The following MMEL1 variants were observed in gnomAD, a reference collection of about 807,000 sequenced individuals.
MMEL1 encodes membrane metalloendopeptidase like 1.
In MMEL1, 98 loss-of-function variants were observed where a neutral mutation model predicts 117.1. The ratio of observed to expected loss-of-function variants is 0.84; its 90% CI spans 0.71 to 0.99. The LOEUF (loss-of-function observed/expected upper bound fraction) is 0.99. Ranked by LOEUF, MMEL1 falls within the 50% of genes least tolerant of loss-of-function variation. The pLI, the probability that MMEL1 is intolerant of heterozygous loss-of-function variation, is 0.00. For missense variants in MMEL1, 1,014 were observed against 1,049.1 expected (o/e 0.97, Z 0.46); for synonymous variants, 390 against 415.1 (o/e 0.94, Z 0.74).
At chr1:2,599,010 G>A (rs1348306780) in intron 11 of MMEL1, among the ~76,000 whole-genome samples, 3 of 152,112 alleles carry the variant, frequency 2.0e-5, no homozygotes, top group Non-Finnish European at 4.4e-5. Flanking sequence ...AGTATAACAG[G>A]CAAGTTCCTA....
chr1:2,632,257 A>G (rs1169561415), intron 1 of MMEL1, among the ~76,000 whole-genome samples: 1 of 152,082 alleles, frequency 6.6e-6, no homozygotes, highest in Non-Finnish European at 1.5e-5. Flanking sequence ...TCTCCTCGAT[A>G]CTTCTGCAGC....
Position 2,612,025 on chromosome 1 carries a change from G to T in MMEL1, c.232+102C>A. 1 of 1,026,008 alleles carries T rather than the reference G, an allele frequency of 9.7e-7. No homozygotes were observed. Among genetic ancestry groups the T allele is most frequent in the South Asian group, 1.4e-5 (1 of 69,908 alleles). The allele number at this position is 1,026,008 out of a possible 1,614,324, so 63.6% of individuals were successfully genotyped here. A position where few individuals can be genotyped will look rare whatever the true frequency, so the allele number is the denominator to read the frequency against. ...CATGGCCCTCCTCCGGCACATGAGG[G>T]TTGGGCAGAACCCAGCCCCTGCCCC... On this transcript the variant is annotated intron_variant, in intron 3 of 23. Coordinates refer to ENST00000378412, the MANE Select transcript of MMEL1 (RefSeq NM_033467.4). The surrounding 1 kb of genome is among the most constrained non-coding windows in gnomAD (Gnocchi z 5.4).
At chr1:2,591,742 G>T in intron 22 of MMEL1, 109 bp from the exon 23 acceptor site, 3 of 1,076,750 alleles carry the variant, frequency 2.8e-6, no homozygotes, top group Non-Finnish European at 4.3e-6. Flanking sequence ...TGGGGTGAGG[G>T]GAGTCAGCAG....
At chr1:2,599,772 G>C (rs143075089) in intron 11 of MMEL1, among the ~76,000 whole-genome samples, 3 of 150,914 alleles carry the variant, frequency 2.0e-5, no homozygotes, top group African/African-American at 7.3e-5. Context: ...CATGAGAATC[G>C]CTTGAACCTG....
chr1:2,596,781 C>T, intron 13 of MMEL1, 92 bp from the exon 14 acceptor site: 1 of 1,499,972 alleles, frequency 6.7e-7, no homozygotes. Flanking sequence ...AGCAGACCCA[C>T]CTATCCTCAG....
chr1:2,627,482 G>C (rs945138846), intron 2 of MMEL1, among the ~76,000 whole-genome samples: 6 of 152,304 alleles, frequency 3.9e-5, no homozygotes, highest in African/African-American at 1.2e-4. Context: ...TCAGCATTTG[G>C]TGATTGAGCC....
At chr1:2,630,449 TGTGTGTGCGCTCTG>T (rs530579724) in intron 1 of MMEL1, among the ~76,000 whole-genome samples, 63 of 152,202 alleles carry the variant, frequency 4.1e-4, no homozygotes, top group African/African-American at 1.5e-3. Flanking sequence ...AGCGTGAACG[TGTGTGTGCGCTCTG>T]GTGTGTGCAT....
At chr1:2,632,595 T>C (rs1197764335) in intron 1 of MMEL1, 1 of 184,376 alleles carries the variant, frequency 5.4e-6, no homozygotes, top group Non-Finnish European at 1.2e-5. Flanking sequence ...GAGTGTCTGC[T>C]GAGGCGAAGG....
intron 1 of MMEL1, 126 bp downstream of exon 1, chr1:2,632,740 G>T: frequency 2.1e-6 from 1 of 479,842 alleles, no homozygotes; most frequent in Non-Finnish European, 2.7e-6. Context: ...CACACAGGAC[G>T]CCCTGCCCAG....
chr1:2,632,459 T>C (rs1260663884), intron 1 of MMEL1: 1 of 152,412 alleles, frequency 6.6e-6, no homozygotes, highest in Non-Finnish European at 1.5e-5. Flanking sequence ...TGGTCAGAAT[T>C]AATGAATCTG....
chr1:2,625,391 A>G (rs922604962), intron 2 of MMEL1, among the ~76,000 whole-genome samples: 8 of 152,212 alleles, frequency 5.3e-5, no homozygotes, highest in Non-Finnish European at 1.2e-4. Flanking sequence ...GGTCCAGAAC[A>G]GGAGCAGGCT....
At chr1:2,609,479 G>T in intron 5 of MMEL1, 60 bp from the exon 6 acceptor site, 2 of 1,564,798 alleles carry the variant, frequency 1.3e-6, no homozygotes, top group South Asian at 2.3e-5. Context: ...CCAGGTCACA[G>T]GTCCCTACAC....
chr1:2,625,720 A>C (rs1473258639), intron 2 of MMEL1, among the ~76,000 whole-genome samples: 1 of 152,154 alleles, frequency 6.6e-6, no homozygotes, highest in Non-Finnish European at 1.5e-5. Flanking sequence ...GTGCTTTCTG[A>C]CCCATCTAGC....
chr1:2,595,864 C>A lies in MMEL1; in HGVS notation c.1500+145G>T, dbSNP rs558190817. ...CCCGTGGGGTCCTGTCTGCGCCTCC[C>A]GGGGCTGCCTTCTCCCCGTGGGGTC... is the stretch of plus-strand genomic sequence containing the variant. On this transcript the variant is annotated intron_variant, in intron 15 of 23. Transcript: ENST00000378412. The surrounding 1 kb of genome is among the most constrained non-coding windows in gnomAD (Gnocchi z 4.8). 264 of 645,606 alleles carry A rather than the reference C, an allele frequency of 4.1e-4. No homozygotes were observed. In the African/African-American group the frequency reaches 4.6e-3, roughly 11 times the overall value. 40.0% of individuals were successfully genotyped at this position (645,606 alleles called of 1,614,324 possible).
At chr1:2,606,117 G>A in intron 8 of MMEL1, 131 bp downstream of exon 8, 1 of 714,576 alleles carries the variant, frequency 1.4e-6, no homozygotes, top group Non-Finnish European at 2.4e-6. Context: ...ACGTGGACAG[G>A]AGCCAGGAGC....
chr1:2,619,391 C>T (rs1368413701), intron 2 of MMEL1, among the ~76,000 whole-genome samples: 1 of 152,196 alleles, frequency 6.6e-6, no homozygotes, highest in East Asian at 1.9e-4. Context: ...GGTGTGGTGG[C>T]TCATGCCTGT....
chr1:2,603,566 T>C (rs571217455), intron 11 of MMEL1, among the ~76,000 whole-genome samples: 28 of 152,258 alleles, frequency 1.8e-4, no homozygotes, highest in African/African-American at 6.3e-4. Flanking sequence ...GGTGGGACCC[T>C]GTACACCCCC....
At position 2,593,908 on chromosome 1, in the gene MMEL1, G is replaced by C. The variant is rs980990932; in HGVS notation, c.1773C>G (p.Pro591=). The C allele has an allele frequency of 3.1e-6, 5 of 1,610,652 alleles. No homozygotes were observed. The highest frequency in any genetic ancestry group is 3.4e-5 in the Admixed American group (2 of 59,488). ...GTGGCTGCTCCTTGCTGAAGAAGGG[G>C]GGCTGGAGGATCCCGGCAGGGAATA... ...QIVFPAGILQ[P]PFFSKEQPQA... is the part of the protein sequence containing the mutation. Residue 591 remains proline (P), a synonymous_variant, in exon 19 of 24, where the codon CCC becomes CCG. Coordinates refer to ENST00000378412, the MANE Select transcript of MMEL1 (RefSeq NM_033467.4).
chr1:2,629,539 G>C lies in MMEL1; in HGVS notation c.-37-18C>G. 7.2e-7 allele frequency: 1 copy of C among 1,395,836 alleles called. No individual in the cohort carries two copies. Among genetic ancestry groups the C allele is most frequent in the South Asian group, 1.5e-5 (1 of 64,722 alleles). 86.5% of individuals were successfully genotyped at this position (1,395,836 alleles called of 1,614,324 possible). On this transcript the variant is annotated intron_variant, in intron 1 of 23. Transcript: ENST00000378412. ...GGAGGAACCTGCAGGCCCAGGGCAGGGGAGAGGGGAGAGGGGCGTGGAGCT... is the reference window on the plus strand; with the variant it reads ...GGAGGAACCTGCAGGCCCAGGGCAGCGGAGAGGGGAGAGGGGCGTGGAGCT...
Sources: allele counts gnomAD v4.1 joint callset (sites outside exome capture counted in the v4.1 genomes callset), GRCh38; gene constraint gnomAD v4.1.1; non-coding constraint Gnocchi (gnomAD v3.1); transcripts MANE v1.5; gene names NCBI Gene and HGNC (gene_info 2026-07-23, HGNC 2026-07-21).